TBCD: variants seen among roughly 807,000 people sequenced by gnomAD.
The protein encoded by TBCD is tubulin-specific chaperone D.
In TBCD, 105 loss-of-function variants were observed where a neutral mutation model predicts 169.3. The ratio of observed to expected loss-of-function variants is 0.62; its 90% CI spans 0.53 to 0.73. The LOEUF is 0.73. Ranked by LOEUF, TBCD falls within the 30% of genes least tolerant of loss-of-function variation. TBCD has a pLI of 0.00. For synonymous variants in TBCD, 700 were observed against 643.9 expected (o/e 1.09, Z -1.32); for missense variants, 1,444 against 1,600.1 (o/e 0.90, Z 1.66).
chr17:82,897,120 C>T (rs1241176342), intron 17 of TBCD, among the ~76,000 whole-genome samples: 1 of 152,150 alleles, frequency 6.6e-6, no homozygotes, highest in East Asian at 1.9e-4. Flanking sequence ...ATGAATTCTG[C>T]ATACAATTCC....
chr17:82,764,806 C>T (rs2047944341), intron 3 of TBCD, among the ~76,000 whole-genome samples: 4 of 119,776 alleles, frequency 3.3e-5, no homozygotes, highest in South Asian at 2.9e-4. Context: ...TACAAGCTTG[C>T]GGGTGTCTGT....
chr17:82,855,235 CTTTTTT>C (rs58346723), intron 13 of TBCD, among the ~76,000 whole-genome samples: 67 of 54,016 alleles, frequency 1.2e-3, no homozygotes, highest in African/African-American at 4.0e-3. Flanking sequence ...AAGGTGTTTG[CTTTTTT>C]TTTTTTTTTT....
At chr17:82,804,454 T>C (rs904608928) in intron 9 of TBCD, among the ~76,000 whole-genome samples, 16 of 152,236 alleles carry the variant, frequency 1.1e-4, no homozygotes, top group African/African-American at 3.9e-4. Context: ...AATCTTGACG[T>C]GGCTCAGCTG....
At chr17:82,879,261 C>T (rs2146150984) in intron 14 of TBCD, among the ~76,000 whole-genome samples, 1 of 152,156 alleles carries the variant, frequency 6.6e-6, no homozygotes, top group East Asian at 1.9e-4. Context: ...GGTCCCCTCC[C>T]TCTGTAGCTG....
chr17:82,887,168 T>TGTGTGTGTGTGTGTGCGCGCGCGC, intron 15 of TBCD, among the ~76,000 whole-genome samples: 106 of 126,150 alleles, frequency 8.4e-4, no homozygotes, highest in Admixed American at 1.6e-3. Context: ...TGTGTGTGTG[T>TGTGTGTGTGTGTGTGCGCGCGCGC]GCGCGCGCGC....
At chr17:82,895,747 T>C (rs2059429780) in intron 17 of TBCD, 1 of 152,024 alleles carries the variant, frequency 6.6e-6, no homozygotes, top group African/African-American at 2.4e-5. Flanking sequence ...TGCGAGGAGG[T>C]TGGGGCCTCA....
intron 1 of TBCD, among the ~76,000 whole-genome samples, chr17:82,753,445 T>TG (rs1461411895): frequency 2.1e-4 from 22 of 104,708 alleles, no homozygotes; most frequent in East Asian, 8.7e-4. Flanking sequence ...AATGGCTTCT[T>TG]CCTTTTTTTT....
At chr17:82,780,148 G>A (rs895532514) in intron 6 of TBCD, among the ~76,000 whole-genome samples, 13 of 151,074 alleles carry the variant, frequency 8.6e-5, no homozygotes, top group African/African-American at 3.2e-4. Context: ...TGCAGTTCGC[G>A]AGTTCCCTTG....
intron 6 of TBCD, 103 bp downstream of exon 6, chr17:82,772,610 C>T (rs2048363972): frequency 1.6e-6 from 2 of 1,255,160 alleles, no homozygotes. Flanking sequence ...AGACGAAGGA[C>T]CCCGGGAAGT....
At chr17:82,907,894 C>A in intron 21 of TBCD, 73 bp downstream of exon 21, 1 of 1,528,356 alleles carries the variant, frequency 6.5e-7, no homozygotes, top group South Asian at 1.2e-5. Flanking sequence ...TCCCACCCTC[C>A]CCAGGCAGGG....
rs769105077 is a variant in TBCD, at chr17:82,772,470, G to A, written c.601G>A (p.Asp201Asn). The A allele has an allele frequency of 1.9e-6, 3 of 1,613,842 alleles. No homozygotes were observed. Among genetic ancestry groups the A allele is most frequent in the Non-Finnish European group, 2.5e-6 (3 of 1,179,896 alleles). Residue 201 changes from aspartate (D) to asparagine (N), a missense_variant, in exon 6 of 39, where the codon GAC becomes AAC. Asp to Asn is a conservative substitution (Grantham distance 23). Transcript: ENST00000355528. ...QIAESYLIVS[D>N]KARDAAAVLV... ...CTTGCAGTCCTACTTGATTGTCAGT[G>A]ACAAGGCCCGAGATGCAGCTGCTGT...
At chr17:82,906,369 G>A (rs1448769645) in intron 20 of TBCD, among the ~76,000 whole-genome samples, 1 of 152,244 alleles carries the variant, frequency 6.6e-6, no homozygotes, top group Non-Finnish European at 1.5e-5. Context: ...GGTGACAAGC[G>A]AGGTCATAAC....
rs2049005361 is a variant in TBCD, at chr17:82,782,406, C to CT, written c.771+686dup. Among the ~76,000 whole-genome samples the CT allele has an allele frequency of 6.6e-6, 1 of 152,228 alleles. No homozygotes were observed. Among genetic ancestry groups the CT allele is most frequent in the Non-Finnish European group, 1.5e-5 (1 of 68,038 alleles). ...CGTGGTGGGTTCAGCGCCTTCTTCT[C>CT]TCTTTAATTACAGCGGGTGAGGCTT... On this transcript the variant is annotated intron_variant, in intron 7 of 38. Transcript: ENST00000355528. The surrounding 1 kb of genome is among the most constrained non-coding windows in gnomAD (Gnocchi z 5.1).
intron 30 of TBCD, among the ~76,000 whole-genome samples, chr17:82,928,485 T>A (rs2061942099): frequency 6.6e-6 from 1 of 152,030 alleles, no homozygotes; most frequent in African/African-American, 2.4e-5. Flanking sequence ...TCGGTCTCTC[T>A]GTCGGGGGCA....
chr17:82,910,284 G>A (rs1483963823), intron 22 of TBCD, among the ~76,000 whole-genome samples: 2 of 152,204 alleles, frequency 1.3e-5, no homozygotes, highest in East Asian at 1.9e-4. Flanking sequence ...GGCTCTGAAC[G>A]TGGGCCCTCT....
intron 13 of TBCD, among the ~76,000 whole-genome samples, chr17:82,829,048 C>T (rs201947464): frequency 2.8e-5 from 4 of 144,540 alleles, no homozygotes; most frequent in East Asian, 2.1e-4. Flanking sequence ...CCCACAGGAT[C>T]GAATGCGCAC....
intron 6 of TBCD, 83 bp from the exon 7 acceptor site, chr17:82,781,506 G>A: frequency 6.4e-7 from 1 of 1,553,510 alleles, no homozygotes; most frequent in Non-Finnish European, 8.7e-7. Flanking sequence ...GGCCTGGGGA[G>A]GTGGGTGTGT....
At chr17:82,754,180 C>G (rs1568083805) in intron 1 of TBCD, among the ~76,000 whole-genome samples, 1 of 152,090 alleles carries the variant, frequency 6.6e-6, no homozygotes, top group Admixed American at 6.6e-5. Flanking sequence ...TTACTCAGAT[C>G]AGTCTCCCTG....
intron 23 of TBCD, among the ~76,000 whole-genome samples, chr17:82,914,672 G>C (rs769261236): frequency 1.3e-5 from 2 of 152,208 alleles, no homozygotes; most frequent in African/African-American, 4.8e-5. Context: ...CGTGACCTCA[G>C]CTCCCGGCGC....
Sources: allele counts gnomAD v4.1 joint callset (sites outside exome capture counted in the v4.1 genomes callset), GRCh38; gene constraint gnomAD v4.1.1; non-coding constraint Gnocchi (gnomAD v3.1); transcripts MANE v1.5; gene names NCBI Gene and HGNC (gene_info 2026-07-23, HGNC 2026-07-21).